The following COG5 variants were observed in gnomAD, a reference collection of about 807,000 sequenced individuals.
The protein encoded by COG5 is conserved oligomeric Golgi complex subunit 5.
COG5 carries 86 observed loss-of-function variants against 110.4 expected under a neutral mutation model. The ratio of observed to expected loss-of-function variants is 0.78; its 90% CI spans 0.65 to 0.93. COG5 has a LOEUF of 0.93. Ranked by LOEUF, COG5 falls within the 40% of genes least tolerant of loss-of-function variation. COG5 has a pLI of 0.00. For synonymous variants in COG5, 360 were observed against 334.6 expected (o/e 1.08, Z -0.83); for missense variants, 1,077 against 987.0 (o/e 1.09, Z -1.22).
At position 107,372,745 on chromosome 7, in the gene COG5, C is replaced by G; in HGVS notation, c.685G>C (p.Gly229Arg). Reference protein sequence around the residue: ...GLETQNPTQVGTALQVFYNLG... With the variant: ...GLETQNPTQVRTALQVFYNLG... ...TTATAGAAAACCTGAAGAGCTGTTC[C>G]GACTTGAGTTGGATTCTTAAAAAAA... The change falls in exon 8 of 22, where the codon GGA (glycine) becomes CGA (arginine). Residue 229 changes from glycine (G) to arginine (R), a missense_variant. Physicochemically the swap from Gly to Arg is moderately radical, Grantham distance 125 (BLOSUM62 -2). Coordinates refer to ENST00000297135, the MANE Select transcript of COG5 (RefSeq NM_006348.5). 1 of 1,613,340 alleles carries G rather than the reference C, an allele frequency of 6.2e-7. No homozygotes were observed. The highest frequency in any genetic ancestry group is 2.2e-5 in the East Asian group (1 of 44,792).
rs540934006 is a variant in COG5 at position 107,435,645 on chromosome 7, T to C, written c.539-23013A>G. Among the ~76,000 whole-genome samples the C allele has an allele frequency of 2.6e-5, 4 of 151,708 alleles. No individual in the cohort carries two copies. The South Asian group carries it at 6.3e-4, about 24-fold the overall frequency. On this transcript the variant is annotated intron_variant, in intron 6 of 21. Coordinates refer to ENST00000297135, the MANE Select transcript of COG5 (RefSeq NM_006348.5). ...TCCAGCCTGGGCGACAGACACTTTG[T>C]CCCAGAAAAAAAAAGAAAAAAGAAA...
At chr7:107,396,627 G>A (rs1020867109) in intron 7 of COG5, among the ~76,000 whole-genome samples, 12 of 151,868 alleles carry the variant, frequency 7.9e-5, no homozygotes, top group Admixed American at 4.6e-4. Context: ...GTGATACACC[G>A]AGTGCCTAAA....
chr7:107,419,339 A>T (rs1237179075), intron 6 of COG5, among the ~76,000 whole-genome samples: 1 of 152,062 alleles, frequency 6.6e-6, no homozygotes, highest in Non-Finnish European at 1.5e-5. Context: ...CTCACAATAT[A>T]TAAAACCAAT....
At chr7:107,313,351 C>A (rs762217646) in intron 11 of COG5, among the ~76,000 whole-genome samples, 16 of 152,088 alleles carry the variant, frequency 1.1e-4, no homozygotes, top group Non-Finnish European at 2.1e-4. Flanking sequence ...AACTGGAATG[C>A]CAGAGGAAGA....
At chr7:107,210,216 A>G in intron 21 of COG5, 2 of 1,217,852 alleles carry the variant, frequency 1.6e-6, no homozygotes, top group South Asian at 2.8e-5. Flanking sequence ...ATGCGGAGCT[A>G]GGGCAAAACT....
intron 10 of COG5, among the ~76,000 whole-genome samples, chr7:107,332,515 G>C (rs1034387752): frequency 5.3e-5 from 8 of 151,838 alleles, no homozygotes; most frequent in Admixed American, 3.9e-4. Context: ...AGAGGAGGAG[G>C]AATCAATAAA....
intron 5 of COG5, among the ~76,000 whole-genome samples, chr7:107,532,531 A>T (rs1302602856): frequency 1.3e-5 from 2 of 152,094 alleles, no homozygotes; most frequent in Non-Finnish European, 2.9e-5. Flanking sequence ...ATATGCACAA[A>T]TATATATATA....
At chr7:107,517,860 G>A (rs546648197) in intron 6 of COG5, among the ~76,000 whole-genome samples, 3 of 152,092 alleles carry the variant, frequency 2.0e-5, no homozygotes, top group East Asian at 3.9e-4. Flanking sequence ...ATCACGCCTG[G>A]CTAATTTTTC....
At chr7:107,485,973 T>G (rs1402164980) in intron 6 of COG5, among the ~76,000 whole-genome samples, 1 of 152,024 alleles carries the variant, frequency 6.6e-6, no homozygotes, top group Non-Finnish European at 1.5e-5. Context: ...GGACAGCATA[T>G]TAGGCAGAGG....
At chr7:107,248,067 T>C (rs1404163989) in intron 17 of COG5, among the ~76,000 whole-genome samples, 3 of 152,052 alleles carry the variant, frequency 2.0e-5, no homozygotes, top group African/African-American at 4.8e-5. Context: ...GAAGGGGAGA[T>C]GGTACAAACT....
At chr7:107,504,075 A>G (rs1798810660) in intron 6 of COG5, among the ~76,000 whole-genome samples, 1 of 152,096 alleles carries the variant, frequency 6.6e-6, no homozygotes, top group Non-Finnish European at 1.5e-5. Flanking sequence ...GTCTTGTTCC[A>G]GTTCTCAGGG....
At chr7:107,368,616 C>T (rs1813843099) in intron 8 of COG5, among the ~76,000 whole-genome samples, 1 of 151,988 alleles carries the variant, frequency 6.6e-6, no homozygotes, top group Non-Finnish European at 1.5e-5. Context: ...CTTAAAATTC[C>T]ATTTATGCCT....
rs74709895 is a variant in COG5, at chr7:107,514,093, G to A, written c.538+13144C>T. Among the ~76,000 whole-genome samples the A allele has an allele frequency of 5.7e-3, 867 of 151,934 alleles. 8 individuals carry two copies. Among genetic ancestry groups the A allele is most frequent in the African/African-American group, 0.02 (836 of 41,452 alleles). ...ATAAAAGAATATTCTCTCATGACAC[G>A]TGGTGTTAATATATTGCAGCTAGGC... On this transcript the variant is annotated intron_variant, in intron 6 of 21. Coordinates refer to ENST00000297135, the MANE Select transcript of COG5 (RefSeq NM_006348.5).
At chr7:107,459,643 A>G (rs1165456216) in intron 6 of COG5, among the ~76,000 whole-genome samples, 1 of 151,956 alleles carries the variant, frequency 6.6e-6, no homozygotes, top group Non-Finnish European at 1.5e-5. Flanking sequence ...TGGGAAAAAT[A>G]AAAAAAGCCA....
intron 21 of COG5, chr7:107,208,792 T>G (rs968705226): frequency 3.0e-6 from 3 of 985,508 alleles, no homozygotes; most frequent in Middle Eastern, 5.2e-4. Flanking sequence ...ATGTGGGATG[T>G]GGGTACCAAG....
chr7:107,268,385 A>G (rs1384029915), intron 14 of COG5, among the ~76,000 whole-genome samples: 1 of 152,214 alleles, frequency 6.6e-6, no homozygotes, highest in Non-Finnish European at 1.5e-5. Context: ...ATTCGTTTTA[A>G]TATTAATGTT....
intron 10 of COG5, among the ~76,000 whole-genome samples, chr7:107,349,705 C>T (rs927665929): frequency 6.6e-6 from 1 of 152,128 alleles, no homozygotes; most frequent in African/African-American, 2.4e-5. Context: ...CTACAGGCGC[C>T]GGCCACCACG....
chr7:107,330,533 C>A (rs1810147734), intron 10 of COG5, among the ~76,000 whole-genome samples: 1 of 152,104 alleles, frequency 6.6e-6, no homozygotes, highest in Non-Finnish European at 1.5e-5. Context: ...CTTTATAACA[C>A]CAAATTGACC....
intron 19 of COG5, among the ~76,000 whole-genome samples, chr7:107,225,774 G>A (rs1156357117): frequency 2.0e-5 from 3 of 152,324 alleles, no homozygotes; most frequent in East Asian, 3.9e-4. Flanking sequence ...TGGGCATGGT[G>A]GCTCTTGCCT....
Sources: gnomAD v4.1 joint callset for allele counts (sites outside exome capture counted in the v4.1 genomes callset) on GRCh38, gnomAD v4.1.1 for gene constraint, MANE v1.5 for transcripts, NCBI Gene and HGNC (gene_info 2026-07-23, HGNC 2026-07-21) for gene names.